Variants in VCL observed in about 807,000 individuals in gnomAD.
VCL encodes the protein epididymis luminal protein 114.
Under a neutral mutation model 125.7 loss-of-function variants are expected in VCL, and 47 were observed. That is an observed-to-expected ratio of 0.37 (90% CI 0.30 to 0.48). The LOEUF is 0.48. VCL is among the 20% of genes least tolerant of loss of function. The probability of loss-of-function intolerance (pLI) is 0.99; values close to 1 mark genes in which losing one functional copy is unlikely to be tolerated. For synonymous variants in VCL, 458 were observed against 514.6 expected (o/e 0.89, Z 1.49); for missense variants, 1,069 against 1,455.5 (o/e 0.73, Z 4.32).
intron 2 of VCL, among the ~76,000 whole-genome samples, 195 bp downstream of exon 2, chr10:74,043,348 A>G (rs996875964): frequency 7.3e-6 from 1 of 137,700 alleles, no homozygotes; most frequent in African/African-American, 2.5e-5. Flanking sequence ...TTTTGACATA[A>G]TAATTTTTTT....
rs2136275645 is a variant in VCL at position 74,075,054 on chromosome 10, C to T, written c.783+151C>T. On this transcript the variant is annotated intron_variant, in intron 6 of 21. Transcript: ENST00000211998. ...AGTAATTTCTTCTTCATTTCTGTTTCATAGGTTACTTGCTATCTTTGCTAA... is the reference window on the plus strand; with the variant it reads ...AGTAATTTCTTCTTCATTTCTGTTTTATAGGTTACTTGCTATCTTTGCTAA... 3.9e-6 allele frequency: 4 copies of T among 1,031,378 alleles called. No homozygotes were observed. The East Asian group carries it at 1.0e-4, about 27-fold the overall frequency. 63.9% of individuals were successfully genotyped at this position (1,031,378 alleles called of 1,614,324 possible). A position where few individuals can be genotyped will look rare whatever the true frequency, so the allele number is the denominator to read the frequency against.
In VCL at chr10:74,119,337, C is replaced by T. The variant is rs1327310719; in HGVS notation, c.*1168C>T. On this transcript the variant is annotated 3_prime_UTR_variant, in exon 22 of 22. Transcript: ENST00000211998. ...AGCCCTGTCTGAAGGACACTTCCTGCCTAAGGGAGAGTGGTATTTGCAGAC... is the reference window on the plus strand; with the variant it reads ...AGCCCTGTCTGAAGGACACTTCCTGTCTAAGGGAGAGTGGTATTTGCAGAC... The T allele has an allele frequency of 6.6e-6, 1 of 152,268 alleles. No individual in the cohort carries two copies. The highest frequency in any genetic ancestry group is 6.5e-5 in the Admixed American group (1 of 15,278). 9.4% of individuals were successfully genotyped at this position (152,268 alleles called of 1,614,324 possible).
chr10:74,103,825 C>G lies in VCL; in HGVS notation c.2028C>G (p.Val676=), dbSNP rs528539468. The G allele has an allele frequency of 5.0e-6, 8 of 1,614,024 alleles. No homozygotes were observed. The African/African-American group carries it at 1.1e-4, about 22-fold the overall frequency. The part of the protein sequence containing the change: ...KTARELTPQV[V]SAARILLRNP... ...AGGTGTTTTGTCATTGTCAGGTGGT[C>G]TCGGCTGCTCGTATCTTACTTAGGA... Residue 676 remains valine, a synonymous_variant, in exon 15 of 22, where the codon GTC becomes GTG. Coordinates refer to ENST00000211998, the MANE Select transcript of VCL (RefSeq NM_014000.3).
intron 1 of VCL, among the ~76,000 whole-genome samples, chr10:74,006,941 G>A (rs1367016538): frequency 1.3e-5 from 2 of 151,938 alleles, no homozygotes; most frequent in Non-Finnish European, 2.9e-5. Flanking sequence ...AAGTGTTTAT[G>A]TTTTATATAT....
In VCL at chr10:74,014,398, AT is replaced by A. The variant is rs112309610; in HGVS notation, c.168+16031del. Among the ~76,000 whole-genome samples, 71 of 151,538 alleles carry A rather than the reference AT, an allele frequency of 4.7e-4. 3 individuals are homozygous for A. Among genetic ancestry groups the A allele is most frequent in the African/African-American group, 1.4e-3 (59 of 41,334 alleles). ...AAGCATGTACAGCCATGCCTGGCTA[AT>A]TTTTTTTGTATTTTTAGCAGAGACG... is the stretch of plus-strand genomic sequence containing the variant. On this transcript the variant is annotated intron_variant, in intron 1 of 21. Transcript: ENST00000211998.
intron 13 of VCL, among the ~76,000 whole-genome samples, chr10:74,099,010 C>T (rs1479701356): frequency 1.3e-5 from 2 of 152,240 alleles, no homozygotes; most frequent in Non-Finnish European, 2.9e-5. Context: ...TTTAATCTCA[C>T]ATCCATTTTC....
At chr10:74,001,240 T>C (rs1219983135) in intron 1 of VCL, among the ~76,000 whole-genome samples, 1 of 152,230 alleles carries the variant, frequency 6.6e-6, no homozygotes, top group African/African-American at 2.4e-5. Context: ...TGGTGCCAAC[T>C]GTGACCGTTA....
intron 2 of VCL, among the ~76,000 whole-genome samples, chr10:74,062,476 A>G (rs1841497898): frequency 6.7e-6 from 1 of 149,512 alleles, no homozygotes; most frequent in South Asian, 2.1e-4. Context: ...AGACCATGGT[A>G]TTAGGCACTG....
At position 74,097,304 on chromosome 10, in the gene VCL, C is replaced by T. The variant is rs148669762; in HGVS notation, c.1844C>T (p.Ala615Val). Residue 615 changes from alanine to valine, a missense_variant, in exon 13 of 22, where the codon GCG becomes GTG. By Grantham distance (64) the Ala-to-Val change is moderately conservative (BLOSUM62 0). Around this residue, in one of 6 missense-constraint regions of VCL, gnomAD observed 760 missense variants for 928.9 expected, o/e 0.82. Coordinates refer to ENST00000211998, the MANE Select transcript of VCL (RefSeq NM_014000.3). The surrounding 1 kb of genome is among the most constrained non-coding windows in gnomAD (Gnocchi z 4.1). Reference sequence around the variant, plus strand: ...AAGCTGTTGGCAGTGGCAGCCACGGCGCCTCCTGATGCGCCTAACAGGGAA... The same window carrying T: ...AAGCTGTTGGCAGTGGCAGCCACGGTGCCTCCTGATGCGCCTAACAGGGAA... ...PIKLLAVAAT[A>V]PPDAPNREEV... 4.0e-5 allele frequency: 65 copies of T among 1,613,668 alleles called. No homozygotes were observed. The highest frequency in any genetic ancestry group is 4.9e-5 in the Non-Finnish European group (58 of 1,179,912).
chr10:74,061,328 A>G (rs1235147141), intron 2 of VCL, among the ~76,000 whole-genome samples: 1 of 152,160 alleles, frequency 6.6e-6, no homozygotes, highest in African/African-American at 2.4e-5. Context: ...TTATTGTATA[A>G]AAAAATGGTT....
chr10:73,999,595 G>C (rs746242760), intron 1 of VCL, among the ~76,000 whole-genome samples: 3 of 152,194 alleles, frequency 2.0e-5, no homozygotes, highest in Non-Finnish European at 4.4e-5. Flanking sequence ...CTGTGGGTCT[G>C]TCTGGGTGGG....
chr10:74,076,705 A>G (rs1839591951), intron 6 of VCL: 1 of 152,656 alleles, frequency 6.6e-6, no homozygotes, highest in African/African-American at 2.4e-5. Flanking sequence ...AAGTGTGTCT[A>G]AAGGTCTTCC....
chr10:73,998,235 G>C lies in VCL; in HGVS notation c.28G>C (p.Glu10Gln). The C allele has an allele frequency of 6.2e-7, 1 of 1,612,958 alleles. No individual in the cohort carries two copies. The highest frequency in any genetic ancestry group is 1.7e-4 in the Middle Eastern group (1 of 6,058). Residue 10 changes from glutamate to glutamine, a missense_variant, in exon 1 of 22, where the codon GAG (glutamate) becomes CAG (glutamine). Coordinates refer to ENST00000211998, the MANE Select transcript of VCL (RefSeq NM_014000.3). MPVFHTRTI[E>Q]SILEPVAQQI... The stretch of plus-strand genomic sequence containing the variant: ...GCCAGTGTTTCATACGCGCACGATC[G>C]AGAGCATCCTGGAGCCGGTGGCACA...
Position 74,074,745 on chromosome 10 carries a change from AT to A in VCL, c.626del (p.Met209ArgfsTer5). 6.2e-7 allele frequency: 1 copy of A among 1,613,126 alleles called. No homozygotes were observed. The highest frequency in any genetic ancestry group is 8.5e-7 in the Non-Finnish European group (1 of 1,179,734). On this transcript the variant is annotated frameshift_variant, in exon 6 of 22. Transcript: ENST00000211998. LOFTEE classifies it high-confidence loss of function. ...TTTCTGATCTTTTATTTTTACAGCT[AT>A]GAAGATTTTTGTAACAACTAAAAAC... is the stretch of plus-strand genomic sequence containing the variant. ...KELLPVLISA[M>X]KIFVTTKNSK...
chr10:74,097,013 A>G lies in VCL; in HGVS notation c.1744-191A>G, dbSNP rs1839979269. 6.6e-6 allele frequency among the ~76,000 whole-genome samples: 1 copy of G among 152,188 alleles called. No individual in the cohort carries two copies. Among genetic ancestry groups the G allele is most frequent in the South Asian group, 2.1e-4 (1 of 4,830 alleles). ...GGTCATGTCTTATTTCTACTACACCACTAATGTCTTACAGGGCAGGATTCA... is the reference window on the plus strand; with the variant it reads ...GGTCATGTCTTATTTCTACTACACCGCTAATGTCTTACAGGGCAGGATTCA... On this transcript the variant is annotated intron_variant, in intron 12 of 21. Coordinates refer to ENST00000211998, the MANE Select transcript of VCL (RefSeq NM_014000.3). The surrounding 1 kb of genome is among the most constrained non-coding windows in gnomAD (Gnocchi z 4.1).
chr10:74,105,915 T>C (rs1452372967), intron 16 of VCL, among the ~76,000 whole-genome samples: 3 of 27,260 alleles, frequency 1.1e-4, no homozygotes, highest in Non-Finnish European at 2.6e-4. Context: ...CTCTGCGCTT[T>C]TTTTTTTTTT....
chr10:74,010,191 T>C (rs1840406860), intron 1 of VCL, among the ~76,000 whole-genome samples: 1 of 152,184 alleles, frequency 6.6e-6, no homozygotes, highest in South Asian at 2.1e-4. Flanking sequence ...TCCCAAAGTG[T>C]TGGGATTACA....
chr10:74,119,425 C>T lies in VCL; in HGVS notation c.*1256C>T, dbSNP rs1840368604. The T allele has an allele frequency of 6.6e-6, 1 of 152,222 alleles. No individual in the cohort carries two copies. Among genetic ancestry groups the T allele is most frequent in the Non-Finnish European group, 1.5e-5 (1 of 68,040 alleles). The allele number at this position is 152,222 out of a possible 1,614,324, so 9.4% of individuals were successfully genotyped here. A position where few individuals can be genotyped will look rare whatever the true frequency, so the allele number is the denominator to read the frequency against. On this transcript the variant is annotated 3_prime_UTR_variant, in exon 22 of 22. Transcript: ENST00000211998. ...ATACTACTCCTGTAATTCCTACCTC[C>T]CTGCAACCAACTACAACCAAGCTCT...
Position 74,022,612 on chromosome 10 carries a change from G to A in VCL, c.169-20471G>A, listed in dbSNP as rs112507205. On this transcript the variant is annotated intron_variant, in intron 1 of 21. Coordinates refer to ENST00000211998, the MANE Select transcript of VCL (RefSeq NM_014000.3). ...AATAAATAAATAAATAAATAAATAA[G>A]TAAATAAAACTTCAGTGTCCGTAAT... is the stretch of plus-strand genomic sequence containing the variant. Among the ~76,000 whole-genome samples, 127 of 18,558 alleles carry A rather than the reference G, an allele frequency of 6.8e-3. 1 individual carries two copies. Among genetic ancestry groups the A allele is most frequent in the Non-Finnish European group, 9.8e-3 (83 of 8,460 alleles). The allele number at this position is 18,558 out of a possible 152,430, so 12.2% of individuals were successfully genotyped here. A position where few individuals can be genotyped will look rare whatever the true frequency, so the allele number is the denominator to read the frequency against.
Sources: allele counts gnomAD v4.1 joint callset (sites outside exome capture counted in the v4.1 genomes callset), GRCh38; gene constraint gnomAD v4.1.1; regional missense constraint gnomAD v4.1.1; non-coding constraint Gnocchi (gnomAD v3.1); transcripts MANE v1.5; gene names NCBI Gene and HGNC (gene_info 2026-07-23, HGNC 2026-07-21).